Variants in RGS6 observed in about 807,000 individuals in gnomAD.
The protein encoded by RGS6 is regulator of G-protein signaling 6.
A neutral mutation model predicts 78.5 loss-of-function variants in RGS6; 30 were observed. The observed-to-expected ratio is 0.38, with a 90% CI of 0.29 to 0.52. RGS6 has a LOEUF of 0.52. Among genes scored for constraint, RGS6 ranks in the 20% least tolerant of loss-of-function variants. RGS6 has a pLI of 0.85. For missense variants in RGS6, 495 were observed against 609.7 expected, an observed-to-expected ratio of 0.81 and a Z score of 1.98; for synonymous variants, 206 against 206.0, an observed-to-expected ratio of 1.00 and a Z score of 0.00.
At chr14:72,051,098 A>G (rs1596625605) in intron 2 of RGS6, among the ~76,000 whole-genome samples, 2 of 152,222 alleles carry the variant, frequency 1.3e-5, no homozygotes, top group African/African-American at 4.8e-5. Flanking sequence ...ATTAACAATT[A>G]TACTAGCACA....
chr14:72,591,136 T>A, the RGS6 span, among the ~76,000 whole-genome samples: 1 of 152,190 alleles, frequency 6.6e-6, no homozygotes, highest in Non-Finnish European at 1.5e-5. Flanking sequence ...TTTTGCCCCT[T>A]CTTTATACTC....
chr14:71,912,999 G>GT, the RGS6 span, among the ~76,000 whole-genome samples: 1 of 151,600 alleles, frequency 6.6e-6, no homozygotes, highest in African/African-American at 2.4e-5. Flanking sequence ...CTAATTTTTT[G>GT]TATGTTTTTA....
intron 2 of RGS6, among the ~76,000 whole-genome samples, chr14:72,323,885 C>CT (rs1341715508): frequency 4.1e-5 from 5 of 122,108 alleles, no homozygotes; most frequent in African/African-American, 1.2e-4. Flanking sequence ...GTCTCCATAT[C>CT]TTTTTTTATT....
At chr14:72,495,324 A>G (rs779271421) in intron 13 of RGS6, 62 bp downstream of exon 13, 4 of 1,015,064 alleles carry the variant, frequency 3.9e-6, no homozygotes, top group Non-Finnish European at 6.3e-6. Context: ...TGAGATCATG[A>G]GATTACCTTA....
rs1395444154 is a variant in RGS6, at chr14:72,430,857, A to G, written c.185-23671A>G. Among the ~76,000 whole-genome samples, 3 of 152,310 alleles carry G rather than the reference A, an allele frequency of 2.0e-5. No homozygotes were observed. In the East Asian group the frequency reaches 5.8e-4, roughly 29 times the overall value. On this transcript the variant is annotated intron_variant, in intron 3 of 17. Transcript: ENST00000553525. ...GGTTGCAACCATGGCTTTAAAACCCAGAACAGCTGGTGTCTGTGGTCTGCA... is the reference window on the plus strand; with the variant it reads ...GGTTGCAACCATGGCTTTAAAACCCGGAACAGCTGGTGTCTGTGGTCTGCA...
At chr14:72,077,379 A>G (rs2094618020) in intron 2 of RGS6, among the ~76,000 whole-genome samples, 1 of 152,054 alleles carries the variant, frequency 6.6e-6, no homozygotes, top group Non-Finnish European at 1.5e-5. Flanking sequence ...CATGTTTTCT[A>G]TTAGTCTTTT....
the RGS6 span, among the ~76,000 whole-genome samples, chr14:72,581,635 C>T: frequency 6.6e-6 from 1 of 152,230 alleles, no homozygotes; most frequent in Non-Finnish European, 1.5e-5. Context: ...GAAACTACCC[C>T]TGGTGTCCCA....
chr14:72,120,846 A>G (rs1198382939), intron 2 of RGS6, among the ~76,000 whole-genome samples: 1 of 152,200 alleles, frequency 6.6e-6, no homozygotes, highest in Admixed American at 6.5e-5. Context: ...GATGTTGGAA[A>G]TCTTCTCTAT....
At chr14:72,124,101 T>G (rs976851982) in intron 2 of RGS6, among the ~76,000 whole-genome samples, 3 of 152,256 alleles carry the variant, frequency 2.0e-5, no homozygotes. Context: ...AGATGCTTTG[T>G]GTCCTGCAGC....
intron 2 of RGS6, among the ~76,000 whole-genome samples, chr14:72,065,060 GT>G (rs2094078246): frequency 6.6e-6 from 1 of 152,114 alleles, no homozygotes; most frequent in African/African-American, 2.4e-5. Context: ...CATACATTGT[GT>G]TTTTAGGGGA....
intron 2 of RGS6, among the ~76,000 whole-genome samples, chr14:72,145,816 T>C (rs1341013105): frequency 3.3e-5 from 5 of 151,986 alleles, no homozygotes; most frequent in Admixed American, 2.6e-4. Flanking sequence ...AAATGTAAAA[T>C]TATAAGTGTG....
intron 2 of RGS6, among the ~76,000 whole-genome samples, chr14:72,337,377 T>C (rs2152643451): frequency 6.6e-6 from 1 of 152,006 alleles, no homozygotes; most frequent in East Asian, 1.9e-4. Flanking sequence ...GCATCGCTCC[T>C]CTCTACCTCC....
intron 2 of RGS6, among the ~76,000 whole-genome samples, chr14:72,189,184 G>A (rs748907143): frequency 6.6e-6 from 1 of 152,156 alleles, no homozygotes; most frequent in African/African-American, 2.4e-5. Flanking sequence ...ACAATTGAGT[G>A]TGGCTGTGTT....
the RGS6 span, among the ~76,000 whole-genome samples, chr14:71,889,283 C>T: frequency 1.3e-4 from 19 of 151,786 alleles, no homozygotes; most frequent in East Asian, 1.5e-3. Flanking sequence ...AATATGATTG[C>T]GGGGAAGTAC....
intron 2 of RGS6, among the ~76,000 whole-genome samples, chr14:72,072,961 T>C (rs2094458185): frequency 6.6e-6 from 1 of 152,198 alleles, no homozygotes; most frequent in Admixed American, 6.5e-5. Flanking sequence ...ATTTATCTCG[T>C]CTGGGGCACC....
chr14:72,619,295 C>A, the RGS6 span: 640 of 1,536,036 alleles, frequency 4.2e-4, 3 homozygotes, highest in African/African-American at 7.2e-3. Flanking sequence ...TGACCTGGGG[C>A]CCTAGGCCTG....
At chr14:72,213,155 A>G (rs1375732248) in intron 2 of RGS6, among the ~76,000 whole-genome samples, 1 of 152,228 alleles carries the variant, frequency 6.6e-6, no homozygotes, top group Non-Finnish European at 1.5e-5. Flanking sequence ...TTGGGGAAAG[A>G]TAATCTTACC....
At chr14:72,218,322 A>G (rs978056429) in intron 2 of RGS6, among the ~76,000 whole-genome samples, 1 of 152,142 alleles carries the variant, frequency 6.6e-6, no homozygotes, top group Non-Finnish European at 1.5e-5. Flanking sequence ...GTTATGTCCT[A>G]TAAAATCACC....
At chr14:71,890,248 G>A in the RGS6 span, among the ~76,000 whole-genome samples, 1 of 152,274 alleles carries the variant, frequency 6.6e-6, no homozygotes, top group South Asian at 2.1e-4. Context: ...AATGCTACGT[G>A]GAAGGTAAAA....
Sources: allele counts gnomAD v4.1 joint callset (sites outside exome capture counted in the v4.1 genomes callset), GRCh38; gene constraint gnomAD v4.1.1; transcripts MANE v1.5; gene names NCBI Gene and HGNC (gene_info 2026-07-23, HGNC 2026-07-21).